Variants in NBPF11 observed in about 807,000 individuals in gnomAD.
NBPF11 encodes the protein NBPF family member NBPF11.
NBPF11 carries 72 observed loss-of-function variants against 93.9 expected under a neutral mutation model. The ratio of observed to expected loss-of-function variants is 0.77; its 90% CI spans 0.63 to 0.93. The LOEUF is 0.93. Among genes scored for constraint, NBPF11 ranks in the 40% least tolerant of loss-of-function variants. NBPF11 has a pLI of 0.00. For missense variants in NBPF11, 705 were observed against 802.2 expected, an observed-to-expected ratio of 0.88 and a Z score of 1.46; for synonymous variants, 224 against 304.9, an observed-to-expected ratio of 0.73 and a Z score of 2.76.
chr1:148,119,529 A>G (rs1667336758), intron 10 of NBPF11, among the ~76,000 whole-genome samples: 2 of 151,926 alleles, frequency 1.3e-5, no homozygotes, highest in Admixed American at 6.5e-5. Flanking sequence ...TGCTCTGTAC[A>G]CTGCACTGCT....
intron 10 of NBPF11, among the ~76,000 whole-genome samples, chr1:148,119,470 G>C (rs1457482971): frequency 6.6e-6 from 1 of 151,908 alleles, no homozygotes; most frequent in South Asian, 2.1e-4. Flanking sequence ...CTGAGGGACA[G>C]AGAAGACAAG....
intron 2 of NBPF11, among the ~76,000 whole-genome samples, chr1:148,142,006 GAGGGAGGGAGGAAGGAAGGA>G (rs1268753950): frequency 2.3e-4 from 28 of 123,642 alleles, no homozygotes; most frequent in African/African-American, 5.3e-4. Context: ...GGGAGGGAAG[GAGGGAGGGAGGAAGGAAGGA>G]AGGGAGGGAG....
At chr1:148,121,633 G>C (rs1487423390) in intron 9 of NBPF11, among the ~76,000 whole-genome samples, 26 of 151,752 alleles carry the variant, frequency 1.7e-4, no homozygotes, top group Non-Finnish European at 2.9e-4. Flanking sequence ...CGGATTACAG[G>C]TGTGACCCAC....
In NBPF11 at chr1:148,120,700, G is replaced by A; in HGVS notation, c.789C>T (p.Pro263=). The A allele has an allele frequency of 2.0e-6, 3 of 1,515,430 alleles. No homozygotes were observed. The highest frequency in any genetic ancestry group is 2.7e-6 in the Non-Finnish European group (3 of 1,092,134). The allele number at this position is 1,515,430 out of a possible 1,614,324, so 93.9% of individuals were successfully genotyped here. ...DALNILPVPG[P]TSSATNVSMV... ...TGCTGACGTTTGTGGCAGAAGAGGT[G>A]GGGCCAGGGACTGGGGAGAAGAAAG... Residue 263 remains proline, a synonymous_variant, in exon 10 of 24, where the codon CCC becomes CCT. Transcript: ENST00000682118.
intron 5 of NBPF11, 121 bp from the exon 6 acceptor site, chr1:148,125,122 G>C (rs1668798822): frequency 7.8e-6 from 6 of 769,790 alleles, no homozygotes; most frequent in Non-Finnish European, 1.3e-5. Context: ...CCAGGGTCTA[G>C]ACAGGGATTT....
At chr1:148,134,102 G>C (rs1235874555) in intron 4 of NBPF11, among the ~76,000 whole-genome samples, 1 of 152,046 alleles carries the variant, frequency 6.6e-6, no homozygotes, top group Non-Finnish European at 1.5e-5. Flanking sequence ...AGCCTGTAGA[G>C]GAGAGGCGCC....
chr1:148,126,717 T>C (rs1281958434), intron 5 of NBPF11, 112 bp downstream of exon 5: 2 of 653,556 alleles, frequency 3.1e-6, no homozygotes, highest in African/African-American at 3.7e-5. Context: ...AATGTTAAAA[T>C]ACCCATTTCT....
intron 1 of NBPF11, chr1:148,146,283 G>C: frequency 7.6e-7 from 1 of 1,308,760 alleles, no homozygotes; most frequent in Non-Finnish European, 9.8e-7. Context: ...CTGGGGGGGC[G>C]CTCTCCCCCC....
At chr1:148,132,212 TATAC>T (rs201113281) in intron 4 of NBPF11, among the ~76,000 whole-genome samples, 8 of 85,976 alleles carry the variant, frequency 9.3e-5, no homozygotes, top group African/African-American at 3.0e-4. Flanking sequence ...TATATATATA[TATAC>T]ACACACACAC....
chr1:148,141,878 T>C lies in NBPF11; in HGVS notation c.-277+1537A>G, dbSNP rs1249032098. ...ACAGAAGCAGCTCCAGAGATTTTGA[T>C]AAGCAATGTAGATTTCAGTGCAGTG... On this transcript the variant is annotated intron_variant, in intron 2 of 23. Transcript: ENST00000682118. Among the ~76,000 whole-genome samples the C allele has an allele frequency of 8.5e-3, 1,296 of 151,600 alleles. 35 individuals carry two copies. The highest frequency in any genetic ancestry group is 0.031 in the African/African-American group (1,262 of 41,090).
At chr1:148,140,029 AC>A (rs1451940093) in intron 2 of NBPF11, among the ~76,000 whole-genome samples, 8 of 151,738 alleles carry the variant, frequency 5.3e-5, no homozygotes, top group Admixed American at 4.6e-4. Context: ...TTCAGGACTT[AC>A]ATTAAGCTAC....
At chr1:148,146,068 G>T (rs1182902736) in intron 1 of NBPF11, among the ~76,000 whole-genome samples, 1 of 152,118 alleles carries the variant, frequency 6.6e-6, no homozygotes, top group Admixed American at 6.5e-5. Flanking sequence ...AGATTTAGGG[G>T]CAGGGGTGCG....
chr1:148,115,564 AG>A (rs1666316245), intron 14 of NBPF11, among the ~76,000 whole-genome samples: 1 of 151,834 alleles, frequency 6.6e-6, no homozygotes, highest in South Asian at 2.1e-4. Flanking sequence ...TCCTGCACTG[AG>A]GTGACTATGA....
intron 2 of NBPF11, among the ~76,000 whole-genome samples, chr1:148,141,165 G>A (rs1672101653): frequency 6.6e-6 from 1 of 151,932 alleles, no homozygotes; most frequent in Non-Finnish European, 1.5e-5. Flanking sequence ...GGCATGAAAT[G>A]GTGAAGCACA....
At chr1:148,125,926 C>A (rs1198955516) in intron 5 of NBPF11, among the ~76,000 whole-genome samples, 4 of 151,932 alleles carry the variant, frequency 2.6e-5, no homozygotes, top group Admixed American at 2.6e-4. Flanking sequence ...GGAACAAGAG[C>A]CTGTGCACCA....
In NBPF11 at chr1:148,121,978, G is replaced by A. The variant is rs1219782445; in HGVS notation, c.778+77C>T. The A allele has an allele frequency of 2.1e-4, 197 of 936,636 alleles. 2 individuals are homozygous for A. In the African/African-American group the frequency reaches 2.7e-3, roughly 13 times the overall value. 58.0% of individuals were successfully genotyped at this position (936,636 alleles called of 1,614,324 possible). On this transcript the variant is annotated intron_variant, in intron 9 of 23. Transcript: ENST00000682118. ...TCTGACTAAAACAATAACAATATGT[G>A]TATATACAGCCTGTCCTCAGAATTG...
At chr1:148,145,201 C>CTTTTTTTTTTTT (rs1190949525) in intron 1 of NBPF11, among the ~76,000 whole-genome samples, 58 of 75,568 alleles carry the variant, frequency 7.7e-4, no homozygotes, top group East Asian at 1.5e-3. Flanking sequence ...TTTTTTCTTT[C>CTTTTTTTTTTTT]TTTTTTTTTT....
At chr1:148,120,393 A>G in intron 10 of NBPF11, 108 bp downstream of exon 10, 1 of 739,892 alleles carries the variant, frequency 1.4e-6, no homozygotes. Flanking sequence ...GTTTTCCTAG[A>G]AGTATGGGGA....
At chr1:148,146,138 C>T (rs1335225821) in intron 1 of NBPF11, among the ~76,000 whole-genome samples, 7 of 150,864 alleles carry the variant, frequency 4.6e-5, no homozygotes, top group Non-Finnish European at 8.9e-5. Context: ...CCCTGGGGCC[C>T]GGGGGCGCGG....
Sources: gnomAD v4.1 joint callset for allele counts (sites outside exome capture counted in the v4.1 genomes callset) on GRCh38, gnomAD v4.1.1 for gene constraint, MANE v1.5 for transcripts, NCBI Gene and HGNC (gene_info 2026-07-23, HGNC 2026-07-21) for gene names.